The following ST6GALNAC3 variants were observed in gnomAD, a reference collection of about 807,000 sequenced individuals.
ST6GALNAC3 encodes ST6 N-acetylgalactosaminide alpha-2,6-sialyltransferase 3, also known as alpha-N-acetylgalactosaminide alpha-2,6-sialyltransferase 3.
Under a neutral mutation model 32.7 loss-of-function variants are expected in ST6GALNAC3, and 25 were observed. The observed-to-expected ratio is 0.76, with a 90% confidence interval of 0.56 to 1.07. The LOEUF is 1.07. Ranked by LOEUF, ST6GALNAC3 falls within the 50% of genes least tolerant of loss-of-function variation. The pLI, the probability that ST6GALNAC3 is intolerant of heterozygous loss-of-function variation, is 0.00. For missense variants in ST6GALNAC3, 355 were observed against 382.4 expected (o/e 0.93, Z 0.60); for synonymous variants, 129 against 133.1 (o/e 0.97, Z 0.21).
chr1:76,252,695 G>C (rs144682056), intron 1 of ST6GALNAC3, among the ~76,000 whole-genome samples: 1 of 152,238 alleles, frequency 6.6e-6, no homozygotes, highest in Non-Finnish European at 1.5e-5. Flanking sequence ...GGGTATTTAA[G>C]CAGCAATGTC....
At chr1:76,459,519 G>T (rs908105494) in intron 3 of ST6GALNAC3, among the ~76,000 whole-genome samples, 2 of 150,932 alleles carry the variant, frequency 1.3e-5, no homozygotes, top group Non-Finnish European at 1.5e-5. Context: ...AGTGGAGATT[G>T]CTCCACTGCA....
At chr1:76,546,560 G>A (rs1479574985) in intron 3 of ST6GALNAC3, among the ~76,000 whole-genome samples, 1 of 152,186 alleles carries the variant, frequency 6.6e-6, no homozygotes, top group African/African-American at 2.4e-5. Context: ...TGAGACATGA[G>A]GTATGTAGGC....
intron 3 of ST6GALNAC3, chr1:76,576,784 A>G: frequency 4.1e-6 from 5 of 1,209,776 alleles, no homozygotes; most frequent in Middle Eastern, 2.2e-4. Flanking sequence ...TAGCTAAAGT[A>G]GTGATTTGCA....
rs112556234 is a variant in ST6GALNAC3 at position 76,502,780 on chromosome 1, T to C, written c.623+90363T>C. Reference sequence around the variant, plus strand: ...CCATTGTACAGAAGAAACCGGGTAGTAGAGATTAGATAACTTGCCCAAGAC... The same window carrying C: ...CCATTGTACAGAAGAAACCGGGTAGCAGAGATTAGATAACTTGCCCAAGAC... On this transcript the variant is annotated intron_variant, in intron 3 of 4. Coordinates refer to ENST00000328299, the MANE Select transcript of ST6GALNAC3 (RefSeq NM_152996.4). Among the ~76,000 whole-genome samples the C allele has an allele frequency of 7.3e-3, 1,114 of 152,188 alleles. 4 individuals are homozygous for C. Among genetic ancestry groups the C allele is most frequent in the Non-Finnish European group, 0.011 (768 of 68,014 alleles).
chr1:76,238,717 A>G (rs1369747054), intron 1 of ST6GALNAC3, among the ~76,000 whole-genome samples: 2 of 152,136 alleles, frequency 1.3e-5, no homozygotes, highest in African/African-American at 4.8e-5. Flanking sequence ...CTTCAATTAT[A>G]CAGTAAGAGC....
chr1:76,636,087 A>T (rs188156967), downstream of ST6GALNAC3, among the ~76,000 whole-genome samples: 39 of 152,292 alleles, frequency 2.6e-4, no homozygotes, highest in African/African-American at 8.4e-4. Flanking sequence ...TCAGAAAAAA[A>T]TTTTTGTGTA....
rs564645529 is a variant in ST6GALNAC3 at position 76,306,369 on chromosome 1, A to T, written c.19-7436A>T. Among the ~76,000 whole-genome samples, 24 of 152,226 alleles carry T rather than the reference A, an allele frequency of 1.6e-4. 2 individuals carry two copies. Among genetic ancestry groups the T allele is most frequent in the African/African-American group, 4.3e-4 (18 of 41,568 alleles). The stretch of plus-strand genomic sequence containing the variant: ...CTTCCTCTTTCAGCTCCACAATCCA[A>T]TGACCCTTTTGTTCAACAAAAACAC... On this transcript the variant is annotated intron_variant, in intron 1 of 4. Transcript: ENST00000328299.
intron 2 of ST6GALNAC3, among the ~76,000 whole-genome samples, chr1:76,317,635 A>G (rs1646890043): frequency 6.6e-6 from 1 of 152,086 alleles, no homozygotes; most frequent in Non-Finnish European, 1.5e-5. Context: ...ACTTCTTAGT[A>G]TTTTTTTAAA....
At chr1:76,277,281 TATATATTTGGGCAATGTGGTACTG>T (rs1659184193) in intron 1 of ST6GALNAC3, among the ~76,000 whole-genome samples, 1 of 151,980 alleles carries the variant, frequency 6.6e-6, no homozygotes, top group African/African-American at 2.4e-5. Flanking sequence ...CATATGGGCT[TATATATTTGGGCAATGTGGTACTG>T]ATATATTTGG....
intron 1 of ST6GALNAC3, among the ~76,000 whole-genome samples, chr1:76,261,652 G>A (rs1570614705): frequency 6.6e-6 from 1 of 152,200 alleles, no homozygotes; most frequent in East Asian, 1.9e-4. Context: ...TGTGCATGCA[G>A]GGCTGAGCAC....
intron 1 of ST6GALNAC3, among the ~76,000 whole-genome samples, chr1:76,208,253 G>T (rs868110819): frequency 6.6e-6 from 1 of 152,254 alleles, no homozygotes; most frequent in Non-Finnish European, 1.5e-5. Context: ...TTGGGATGAT[G>T]CTATAACTTG....
intron 1 of ST6GALNAC3, among the ~76,000 whole-genome samples, chr1:76,088,708 G>A (rs1463969483): frequency 6.6e-6 from 1 of 152,070 alleles, no homozygotes; most frequent in Non-Finnish European, 1.5e-5. Flanking sequence ...TGATCTGTCA[G>A]TCAAAAAACT....
At chr1:76,209,296 C>T (rs546233161) in intron 1 of ST6GALNAC3, among the ~76,000 whole-genome samples, 53 of 152,306 alleles carry the variant, frequency 3.5e-4, no homozygotes, top group African/African-American at 1.2e-3. Context: ...GAATGTTTTA[C>T]TGTGTCAAAG....
chr1:76,578,662 T>G (rs1261636393), intron 3 of ST6GALNAC3, among the ~76,000 whole-genome samples: 1 of 152,016 alleles, frequency 6.6e-6, no homozygotes, highest in African/African-American at 2.4e-5. Flanking sequence ...TATTTGATAG[T>G]GTAGAATTCC....
intron 1 of ST6GALNAC3, among the ~76,000 whole-genome samples, chr1:76,111,748 G>C (rs1384536256): frequency 6.7e-6 from 1 of 149,938 alleles, no homozygotes. Context: ...AGAGCACAGG[G>C]TTGGGGGTAA....
chr1:76,412,695 A>T (rs1188453904), intron 3 of ST6GALNAC3, among the ~76,000 whole-genome samples: 2 of 151,908 alleles, frequency 1.3e-5, no homozygotes, highest in Non-Finnish European at 2.9e-5. Context: ...TCCATTTGCT[A>T]TTGATTGAGT....
At chr1:76,146,862 T>A (rs1650713877) in intron 1 of ST6GALNAC3, among the ~76,000 whole-genome samples, 1 of 152,202 alleles carries the variant, frequency 6.6e-6, no homozygotes, top group Non-Finnish European at 1.5e-5. Flanking sequence ...CTGTAGAACC[T>A]TCTTTGAAAG....
At chr1:76,540,057 A>G (rs114616177) in intron 3 of ST6GALNAC3, among the ~76,000 whole-genome samples, 148 of 152,294 alleles carry the variant, frequency 9.7e-4, no homozygotes, top group Middle Eastern at 3.4e-3. Context: ...GCATGCACAT[A>G]TATGTTTACT....
chr1:76,285,508 T>C (rs1659728864), intron 1 of ST6GALNAC3, among the ~76,000 whole-genome samples: 1 of 152,178 alleles, frequency 6.6e-6, no homozygotes, highest in Non-Finnish European at 1.5e-5. Flanking sequence ...TTTTAATCTT[T>C]TTTAAAATCA....
Sources: allele counts gnomAD v4.1 joint callset (sites outside exome capture counted in the v4.1 genomes callset), GRCh38; gene constraint gnomAD v4.1.1; transcripts MANE v1.5; gene names NCBI Gene and HGNC (gene_info 2026-07-23, HGNC 2026-07-21).